ARSJ: variants seen among roughly 807,000 people sequenced by gnomAD.
ARSJ encodes the protein arylsulfatase J.
A neutral mutation model predicts 35.9 loss-of-function variants in ARSJ; 26 were observed. That is an observed-to-expected ratio of 0.72 (90% confidence interval 0.53 to 1.00). ARSJ has a LOEUF of 1.00. Ranked by LOEUF, ARSJ falls within the 50% of genes least tolerant of loss-of-function variation. The pLI is 0.00. For synonymous variants in ARSJ, 294 were observed against 267.6 expected (o/e 1.10, Z -0.96); for missense variants, 667 against 723.6 (o/e 0.92, Z 0.90).
At position 113,903,819 on chromosome 4, in the gene ARSJ, A is replaced by AT. The variant is rs1488057246; in HGVS notation, c.399-145dup. The AT allele has an allele frequency of 3.2e-5, 38 of 1,174,522 alleles. No individual in the cohort carries two copies. The African/African-American group carries it at 5.3e-4, about 16-fold the overall frequency. The allele number at this position is 1,174,522 out of a possible 1,614,324, so 72.8% of individuals were successfully genotyped here. A position where few individuals can be genotyped will look rare whatever the true frequency, so the allele number is the denominator to read the frequency against. The stretch of plus-strand genomic sequence containing the variant: ...CCCAATGATAAATGACCAATTCAGC[A>AT]TTTCTGCTCTTTACTCACAAGTCTT... On this transcript the variant is annotated intron_variant, in intron 1 of 1. Coordinates refer to ENST00000315366, the MANE Select transcript of ARSJ (RefSeq NM_024590.4).
At chr4:113,973,210 C>T (rs771303706) in intron 1 of ARSJ, among the ~76,000 whole-genome samples, 10 of 152,168 alleles carry the variant, frequency 6.6e-5, no homozygotes, top group Non-Finnish European at 1.0e-4. Flanking sequence ...CTGACCTTAG[C>T]ACTCATTACC....
At chr4:113,973,192 T>C (rs2110338133) in intron 1 of ARSJ, among the ~76,000 whole-genome samples, 1 of 152,328 alleles carries the variant, frequency 6.6e-6, no homozygotes, top group East Asian at 1.9e-4. Context: ...AAAGATGTTT[T>C]ACCCCATCTG....
intron 1 of ARSJ, among the ~76,000 whole-genome samples, chr4:113,929,672 G>A (rs2149263450): frequency 6.6e-6 from 1 of 152,252 alleles, no homozygotes; most frequent in South Asian, 2.1e-4. Flanking sequence ...ATAAGAGCTT[G>A]TGTCTGTTTT....
intron 1 of ARSJ, among the ~76,000 whole-genome samples, chr4:113,912,802 A>G (rs941255870): frequency 6.6e-6 from 1 of 151,972 alleles, no homozygotes; most frequent in Non-Finnish European, 1.5e-5. Context: ...ATGTATACAT[A>G]TATGACAATC....
At chr4:113,916,661 T>C (rs1378687121) in intron 1 of ARSJ, among the ~76,000 whole-genome samples, 1 of 152,108 alleles carries the variant, frequency 6.6e-6, no homozygotes, top group African/African-American at 2.4e-5. Flanking sequence ...TCTCATGAAA[T>C]ACTATCTTGC....
intron 1 of ARSJ, among the ~76,000 whole-genome samples, chr4:113,925,591 A>C (rs190675712): frequency 3.4e-4 from 52 of 152,202 alleles, no homozygotes; most frequent in Non-Finnish European, 6.5e-4. Context: ...AACAGGGTAA[A>C]ACCAGTGAAT....
intron 1 of ARSJ, among the ~76,000 whole-genome samples, chr4:113,963,414 T>C (rs796814753): frequency 6.6e-5 from 10 of 152,044 alleles, no homozygotes; most frequent in African/African-American, 2.2e-4. Flanking sequence ...CTTCTTCACA[T>C]GATGGCAGGA....
intron 1 of ARSJ, among the ~76,000 whole-genome samples, chr4:113,933,468 T>C (rs1724581751): frequency 6.6e-6 from 1 of 151,864 alleles, no homozygotes; most frequent in Admixed American, 6.6e-5. Context: ...CCTGGCAAAC[T>C]CAATTCAACT....
Position 113,903,133 on chromosome 4 carries a change from TA to T in ARSJ, c.940del (p.Tyr314MetfsTer43). ...GATAATGCTGTTGTTATAGAAACCA[TA>T]AGTCTTTAGAGCCAATGTCACGTTG... ...INNVTLALKTYGFYNNSIIIY... is the reference protein window; with the variant it reads ...INNVTLALKTXGFYNNSIIIY... On this transcript the variant is annotated frameshift_variant, in exon 2 of 2. Transcript: ENST00000315366. LOFTEE classifies it high-confidence loss of function. 6.2e-7 allele frequency: 1 copy of T among 1,614,186 alleles called. No homozygotes were observed. Among genetic ancestry groups the T allele is most frequent in the Non-Finnish European group, 8.5e-7 (1 of 1,180,032 alleles).
chr4:113,955,377 C>T (rs775803192), intron 1 of ARSJ, among the ~76,000 whole-genome samples: 9 of 151,068 alleles, frequency 6.0e-5, no homozygotes, highest in East Asian at 3.9e-4. Flanking sequence ...TCTTTTAGGT[C>T]GTAAATTTGC....
intron 1 of ARSJ, among the ~76,000 whole-genome samples, chr4:113,960,743 T>G (rs572805155): frequency 6.6e-6 from 1 of 152,228 alleles, no homozygotes; most frequent in South Asian, 2.1e-4. Context: ...GTCAGTAACT[T>G]ATTTTCTTGA....
chr4:113,948,563 T>C (rs1259564541), intron 1 of ARSJ, among the ~76,000 whole-genome samples: 1 of 119,504 alleles, frequency 8.4e-6, no homozygotes, highest in Admixed American at 8.6e-5. Context: ...GTTGCAAGCG[T>C]ACTATATTCT....
chr4:113,967,890 T>C (rs886729506), intron 1 of ARSJ, among the ~76,000 whole-genome samples: 4 of 152,224 alleles, frequency 2.6e-5, no homozygotes, highest in Admixed American at 1.3e-4. Context: ...CATTCTGACA[T>C]TTTCAATATG....
At chr4:113,971,736 A>T (rs79637315) in intron 1 of ARSJ, among the ~76,000 whole-genome samples, 3,182 of 152,358 alleles carry the variant, frequency 0.021, 129 homozygotes, top group East Asian at 0.16. Context: ...AACTAAATAT[A>T]TATGAAAGTA....
At chr4:113,967,507 T>C (rs533131929) in intron 1 of ARSJ, among the ~76,000 whole-genome samples, 41 of 151,778 alleles carry the variant, frequency 2.7e-4, no homozygotes, top group African/African-American at 9.4e-4. Flanking sequence ...AAGTTCCTAC[T>C]ACTCTCATTT....
At chr4:113,903,952 CTT>C (rs541768509) in intron 1 of ARSJ, among the ~76,000 whole-genome samples, 6 of 152,172 alleles carry the variant, frequency 3.9e-5, no homozygotes, top group Non-Finnish European at 7.4e-5. Flanking sequence ...GAGACGGAGT[CTT>C]AGTCGTCACC....
Position 113,900,689 on chromosome 4 carries a change from G to C in ARSJ, c.*1585C>G, listed in dbSNP as rs1252561314. ...ATCTGTGACTTTTCAAGTGTATACT[G>C]TAAGCTTCAAGGCCTCTGCATTAGG... On this transcript the variant is annotated 3_prime_UTR_variant, in exon 2 of 2. Coordinates refer to ENST00000315366, the MANE Select transcript of ARSJ (RefSeq NM_024590.4). 6.6e-6 allele frequency: 1 copy of C among 152,164 alleles called. No homozygotes were observed. Among genetic ancestry groups the C allele is most frequent in the East Asian group, 1.9e-4 (1 of 5,190 alleles). The allele number at this position is 152,164 out of a possible 1,614,324, so 9.4% of individuals were successfully genotyped here.
Position 113,978,821 on chromosome 4 carries a change from C to A in ARSJ, c.14G>T (p.Gly5Val). The A allele has an allele frequency of 1.2e-6, 2 of 1,600,914 alleles. No individual in the cohort carries two copies. The highest frequency in any genetic ancestry group is 8.5e-7 in the Non-Finnish European group (1 of 1,174,436). Residue 5 changes from glycine (G) to valine (V), a missense_variant, in exon 1 of 2, where the codon GGC becomes GTC. Gly to Val is a moderately radical substitution (Grantham distance 109). Coordinates refer to ENST00000315366, the MANE Select transcript of ARSJ (RefSeq NM_024590.4). ...AGGCGGAGGCGGATGCCCCGCACAG[C>A]CCCTGGGAGCCATTCACTCAGGTCC... is the stretch of plus-strand genomic sequence containing the variant. MAPR[G>V]CAGHPPPPSP...
chr4:113,960,717 T>C (rs1219425055), intron 1 of ARSJ, among the ~76,000 whole-genome samples: 1 of 152,096 alleles, frequency 6.6e-6, no homozygotes, highest in South Asian at 2.1e-4. Flanking sequence ...AACATATTAC[T>C]TATTTGTAGC....
Sources: gnomAD v4.1 joint callset for allele counts (sites outside exome capture counted in the v4.1 genomes callset) on GRCh38, gnomAD v4.1.1 for gene constraint, MANE v1.5 for transcripts, NCBI Gene and HGNC (gene_info 2026-07-23, HGNC 2026-07-21) for gene names.